The following NAALADL2 variants were observed in gnomAD, a reference collection of about 807,000 sequenced individuals.
NAALADL2 encodes inactive N-acetylated-alpha-linked acidic dipeptidase-like protein 2.
NAALADL2 carries 76 observed loss-of-function variants against 87.2 expected under a neutral mutation model. That is an observed-to-expected ratio of 0.87 (90% CI 0.72 to 1.05). The LOEUF is 1.05. NAALADL2 is among the 50% of genes least tolerant of loss of function. The pLI is 0.00. For synonymous variants in NAALADL2, 354 were observed against 331.0 expected (o/e 1.07, Z -0.75); for missense variants, 1,089 against 945.8 (o/e 1.15, Z -1.99).
At chr3:174,991,894 T>G (rs1271822482) in intron 1 of NAALADL2, among the ~76,000 whole-genome samples, 1 of 152,104 alleles carries the variant, frequency 6.6e-6, no homozygotes, top group Non-Finnish European at 1.5e-5. Context: ...ATTCTTGTCT[T>G]GATTGAAAAT....
At chr3:174,927,621 C>T (rs1327073075) in intron 1 of NAALADL2, among the ~76,000 whole-genome samples, 1 of 152,022 alleles carries the variant, frequency 6.6e-6, no homozygotes, top group Non-Finnish European at 1.5e-5. Flanking sequence ...GGGTACATAA[C>T]GAAATGAAGG....
chr3:174,971,250 C>T (rs927621021), intron 1 of NAALADL2, among the ~76,000 whole-genome samples: 5 of 152,142 alleles, frequency 3.3e-5, no homozygotes, highest in Non-Finnish European at 7.3e-5. Context: ...ACAGCCAAAC[C>T]ATATTGGGCA....
At chr3:175,485,469 A>T (rs1727120791) in intron 9 of NAALADL2, among the ~76,000 whole-genome samples, 1 of 152,148 alleles carries the variant, frequency 6.6e-6, no homozygotes, top group Admixed American at 6.6e-5. Flanking sequence ...GCTCAGTGGG[A>T]GTCCCAAAAC....
chr3:174,575,057 T>G (rs1392310623), intron 2 of NAALADL2, among the ~76,000 whole-genome samples: 10 of 152,060 alleles, frequency 6.6e-5, no homozygotes, highest in Non-Finnish European at 1.5e-4. Flanking sequence ...TGTCATAGGG[T>G]AGCTGCATAT....
intron 2 of NAALADL2, among the ~76,000 whole-genome samples, chr3:174,642,799 C>A (rs1416372243): frequency 3.2e-5 from 4 of 126,176 alleles, no homozygotes; most frequent in Non-Finnish European, 7.0e-5. Flanking sequence ...TGTTTTTTTT[C>A]ATGAAACTGG....
intron 1 of NAALADL2, among the ~76,000 whole-genome samples, chr3:175,061,265 G>C (rs1383555124): frequency 6.6e-6 from 1 of 152,144 alleles, no homozygotes; most frequent in Non-Finnish European, 1.5e-5. Flanking sequence ...AGATGAAAAA[G>C]CTAATGGTCT....
chr3:174,588,659 C>T (rs1285985287), intron 2 of NAALADL2, among the ~76,000 whole-genome samples: 1 of 152,158 alleles, frequency 6.6e-6, no homozygotes, highest in East Asian at 1.9e-4. Context: ...CCCTGTTTGC[C>T]TGGGTATCAG....
At chr3:175,291,874 CTGAGGA>C (rs1755681519) in intron 4 of NAALADL2, among the ~76,000 whole-genome samples, 1 of 152,022 alleles carries the variant, frequency 6.6e-6, no homozygotes, top group African/African-American at 2.4e-5. Flanking sequence ...GAATAAGAGG[CTGAGGA>C]TAATTATTAT....
intron 2 of NAALADL2, among the ~76,000 whole-genome samples, chr3:174,711,498 C>A (rs1285957721): frequency 6.6e-6 from 1 of 152,106 alleles, no homozygotes; most frequent in Non-Finnish European, 1.5e-5. Flanking sequence ...CAGGAAAGTA[C>A]AAGGATTTTA....
At chr3:175,014,259 A>T (rs1750533221) in intron 1 of NAALADL2, among the ~76,000 whole-genome samples, 2 of 151,998 alleles carry the variant, frequency 1.3e-5, no homozygotes. Flanking sequence ...TCTGTTAGGT[A>T]TCTGTATGGG....
At chr3:175,169,777 G>A (rs1734528212) in intron 2 of NAALADL2, among the ~76,000 whole-genome samples, 1 of 151,738 alleles carries the variant, frequency 6.6e-6, no homozygotes, top group Admixed American at 6.6e-5. Flanking sequence ...TGTTGGATGA[G>A]GGCTATTCTA....
chr3:175,309,041 T>C (rs1490834813), intron 4 of NAALADL2, among the ~76,000 whole-genome samples: 5 of 152,184 alleles, frequency 3.3e-5, no homozygotes. Context: ...TGTATAATTA[T>C]ACAATTAAAT....
rs114257574 is a variant in NAALADL2, at chr3:175,332,447, T to A, written c.1090+8122T>A. Among the ~76,000 whole-genome samples, 300 of 152,260 alleles carry A rather than the reference T, an allele frequency of 2.0e-3. 2 individuals carry two copies. Among genetic ancestry groups the A allele is most frequent in the African/African-American group, 7.1e-3 (296 of 41,562 alleles). Reference sequence around the variant, plus strand: ...CTCCAAGTAGCTGGGACCAAAGGGATGTGCCACCATGCCTGGCTAATATTT... The same window carrying A: ...CTCCAAGTAGCTGGGACCAAAGGGAAGTGCCACCATGCCTGGCTAATATTT... On this transcript the variant is annotated intron_variant, in intron 5 of 13. Transcript: ENST00000454872.
intron 3 of NAALADL2, among the ~76,000 whole-genome samples, chr3:175,241,855 ATTTTTT>A (rs779567135): frequency 4.8e-5 from 4 of 83,812 alleles, no homozygotes; most frequent in Non-Finnish European, 8.5e-5. Context: ...TGGATGCTGA[ATTTTTT>A]TTTTTTTTTT....
At chr3:174,724,501 A>G (rs1489070547) in intron 2 of NAALADL2, among the ~76,000 whole-genome samples, 5 of 152,072 alleles carry the variant, frequency 3.3e-5, no homozygotes, top group African/African-American at 1.2e-4. Flanking sequence ...GAATATTGCT[A>G]TTTTAGGAAT....
At chr3:175,422,880 T>C (rs1454516710) in intron 5 of NAALADL2, among the ~76,000 whole-genome samples, 2 of 151,724 alleles carry the variant, frequency 1.3e-5, no homozygotes, top group Non-Finnish European at 2.9e-5. Flanking sequence ...CATAACTTTA[T>C]GACAGGAGAT....
chr3:175,184,007 G>A (rs1160096657), intron 2 of NAALADL2, among the ~76,000 whole-genome samples: 1 of 151,992 alleles, frequency 6.6e-6, no homozygotes, highest in Non-Finnish European at 1.5e-5. Flanking sequence ...TCAGCTTTCT[G>A]CCTTCACACT....
chr3:175,612,622 A>G (rs1336378057), intron 10 of NAALADL2, among the ~76,000 whole-genome samples: 2 of 152,172 alleles, frequency 1.3e-5, no homozygotes, highest in African/African-American at 4.8e-5. Context: ...CAGCCCTGAG[A>G]AAAGCCCTGA....
Position 175,012,097 on chromosome 3 carries a change from C to T in NAALADL2, c.44-84693C>T, listed in dbSNP as rs570383418. 3.3e-5 allele frequency among the ~76,000 whole-genome samples: 5 copies of T among 152,178 alleles called. No individual in the cohort carries two copies. In the East Asian group the frequency reaches 5.8e-4, roughly 18 times the overall value. On this transcript the variant is annotated intron_variant, in intron 1 of 13. Transcript: ENST00000454872. ...GTTTCTCCAAGCAAAATTCCCTATA[C>T]GGGAGACAACTGAGAGAACGTGGAC...
Sources: gnomAD v4.1 joint callset for allele counts (sites outside exome capture counted in the v4.1 genomes callset) on GRCh38, gnomAD v4.1.1 for gene constraint, MANE v1.5 for transcripts, NCBI Gene and HGNC (gene_info 2026-07-23, HGNC 2026-07-21) for gene names.